SCCPDH: variants seen among roughly 807,000 people sequenced by gnomAD.
SCCPDH encodes saccharopine dehydrogenase (putative).
In SCCPDH, 34 loss-of-function variants were observed where a neutral mutation model predicts 51.5. That is an observed-to-expected ratio of 0.66 (90% CI 0.50 to 0.88). SCCPDH has a LOEUF of 0.88. Among genes scored for constraint, SCCPDH ranks in the 40% least tolerant of loss-of-function variants. The pLI, the probability that SCCPDH is intolerant of heterozygous loss-of-function variation, is 0.00. For missense variants in SCCPDH, 464 were observed against 527.1 expected (o/e 0.88, Z 1.17); for synonymous variants, 187 against 191.3 (o/e 0.98, Z 0.19).
Position 246,740,270 on chromosome 1 carries a change from G to A in SCCPDH, c.483G>A (p.Leu161=), listed in dbSNP as rs189798545. The A allele has an allele frequency of 1.7e-5, 28 of 1,606,918 alleles. No homozygotes were observed. In the East Asian group the frequency reaches 6.0e-4, roughly 35 times the overall value. Residue 161 remains leucine, a synonymous_variant, in exon 4 of 12, where the codon CTG becomes CTA. Coordinates refer to ENST00000366510, the MANE Select transcript of SCCPDH (RefSeq NM_016002.3). ...SSGFDSIPAD[L]GVIYTRNKMN... ...GCTTTGACTCCATTCCAGCAGATCT[G>A]GGAGTAATATATACCAGAAATAAAA...
Position 246,757,344 on chromosome 1 carries a change from C to CAAAA in SCCPDH, c.565-864_565-861dup, listed in dbSNP as rs10649597. Among the ~76,000 whole-genome samples, 392 of 77,038 alleles carry CAAAA rather than the reference C, an allele frequency of 5.1e-3. 12 individuals are homozygous for CAAAA. Among genetic ancestry groups the CAAAA allele is most frequent in the African/African-American group, 0.018 (342 of 19,398 alleles). The allele number at this position is 77,038 out of a possible 152,430, so 50.5% of individuals were successfully genotyped here. A position where few individuals can be genotyped will look rare whatever the true frequency, so the allele number is the denominator to read the frequency against. ...GGGTGACAAGAGCAAGACTCTGTCTCAAAAAAAAAAAAAAAAAAAAAGGGC... is the reference window on the plus strand; with the variant it reads ...GGGTGACAAGAGCAAGACTCTGTCTCAAAAAAAAAAAAAAAAAAAAAAAAAGGGC... On this transcript the variant is annotated intron_variant, in intron 5 of 11. Coordinates refer to ENST00000366510, the MANE Select transcript of SCCPDH (RefSeq NM_016002.3).
chr1:246,724,498 G>A lies in SCCPDH; in HGVS notation c.76G>A (p.Glu26Lys), dbSNP rs1668356591. Residue 26 changes from glutamate (E) to lysine (K), a missense_variant, in exon 1 of 12, where the codon GAG becomes AAG. By Grantham distance (56) the Glu-to-Lys change is moderately conservative (BLOSUM62 1). Transcript: ENST00000366510. ...SGFTGQFVTE[E>K]VAREQVDPER... ...CTTCACCGGCCAGTTCGTGACCGAG[G>A]AGGTGGCCCGGGAGCAGGTGGACCC... The A allele has an allele frequency of 6.3e-7, 1 of 1,579,588 alleles. No individual in the cohort carries two copies. The highest frequency in any genetic ancestry group is 1.4e-5 in the African/African-American group (1 of 72,094).
At chr1:246,763,848 C>T (rs185307576) in intron 9 of SCCPDH, among the ~76,000 whole-genome samples, 8 of 152,156 alleles carry the variant, frequency 5.3e-5, no homozygotes, top group South Asian at 4.1e-4. Context: ...TTTTTTGAGT[C>T]GAATTTTTAC....
At chr1:246,753,016 CCT>C (rs573129715) in intron 5 of SCCPDH, among the ~76,000 whole-genome samples, 130 of 151,148 alleles carry the variant, frequency 8.6e-4, no homozygotes, top group African/African-American at 2.9e-3. Context: ...TCTCTCTTTG[CCT>C]CTCTGTCTCT....
At chr1:246,754,756 A>C (rs771773955) in intron 5 of SCCPDH, among the ~76,000 whole-genome samples, 1 of 151,562 alleles carries the variant, frequency 6.6e-6, no homozygotes, top group Non-Finnish European at 1.5e-5. Flanking sequence ...ATTCCTTTAT[A>C]CTCCTTTTTA....
intron 1 of SCCPDH, 146 bp from the exon 2 acceptor site, chr1:246,726,746 T>C (rs1158280610): frequency 5.0e-6 from 3 of 605,764 alleles, no homozygotes; most frequent in Non-Finnish European, 5.7e-6. Flanking sequence ...TTAAAAACAG[T>C]TTTATCTTTT....
intron 11 of SCCPDH, among the ~76,000 whole-genome samples, chr1:246,766,701 A>G (rs931540975): frequency 1.3e-5 from 2 of 152,210 alleles, no homozygotes; most frequent in Admixed American, 1.3e-4. Context: ...ATATAGTAAA[A>G]TCTAATTAAA....
intron 5 of SCCPDH, among the ~76,000 whole-genome samples, chr1:246,745,579 A>G (rs1441743959): frequency 6.6e-6 from 1 of 152,200 alleles, no homozygotes; most frequent in Non-Finnish European, 1.5e-5. Context: ...GCTGAATTTC[A>G]AGGGCTGGTG....
chr1:246,746,134 A>G (rs1668757428), intron 5 of SCCPDH, among the ~76,000 whole-genome samples: 1 of 149,398 alleles, frequency 6.7e-6, no homozygotes, highest in South Asian at 2.1e-4. Context: ...AAAAAAAAAG[A>G]AGGAAGGGCT....
chr1:246,745,604 A>G (rs1374168875), intron 5 of SCCPDH, among the ~76,000 whole-genome samples: 2 of 152,198 alleles, frequency 1.3e-5, no homozygotes, highest in African/African-American at 4.8e-5. Context: ...GGAGATGTGA[A>G]GGAAGAGGAA....
chr1:246,752,975 C>T (rs1028588182), intron 5 of SCCPDH, among the ~76,000 whole-genome samples: 12 of 138,544 alleles, frequency 8.7e-5, no homozygotes, highest in East Asian at 5.8e-4. Context: ...GTGTCTCTGT[C>T]TCTCTCTCTC....
intron 5 of SCCPDH, among the ~76,000 whole-genome samples, chr1:246,752,419 T>C (rs1668863493): frequency 6.6e-6 from 1 of 152,164 alleles, no homozygotes; most frequent in Non-Finnish European, 1.5e-5. Flanking sequence ...GATTAATAGC[T>C]CTAAGTTCTT....
chr1:246,756,596 G>A (rs1047693303), intron 5 of SCCPDH, among the ~76,000 whole-genome samples: 2 of 152,130 alleles, frequency 1.3e-5, no homozygotes, highest in Non-Finnish European at 2.9e-5. Flanking sequence ...CTGGTGTTTG[G>A]AATCTTTACA....
intron 1 of SCCPDH, among the ~76,000 whole-genome samples, 194 bp downstream of exon 1, chr1:246,724,806 T>G (rs989075121): frequency 6.6e-6 from 1 of 152,206 alleles, no homozygotes; most frequent in East Asian, 1.9e-4. Context: ...TATGTGTGTG[T>G]GCGCGTGCGT....
chr1:246,767,584 G>A lies in SCCPDH; in HGVS notation c.*284G>A, dbSNP rs561562074. The A allele has an allele frequency of 5.3e-6, 1 of 190,422 alleles. No homozygotes were observed. Among genetic ancestry groups the A allele is most frequent in the Admixed American group, 6.1e-5 (1 of 16,490 alleles). 11.8% of individuals were successfully genotyped at this position (190,422 alleles called of 1,614,324 possible). On this transcript the variant is annotated 3_prime_UTR_variant, in exon 12 of 12. Transcript: ENST00000366510. ...CACGAATGAGCTGGCAGGTCTAATG[G>A]GGGAGGCGGCGTCCCAGTCTGTGTT...
In SCCPDH at chr1:246,745,165, C is replaced by T. The variant is rs188675893; in HGVS notation, c.564+1040C>T. Among the ~76,000 whole-genome samples, 815 of 151,434 alleles carry T rather than the reference C, an allele frequency of 5.4e-3. 6 individuals are homozygous for T. The highest frequency in any genetic ancestry group is 7.6e-3 in the Non-Finnish European group (514 of 67,502). ...ACTGAATCTACAGTGCATTTGGGAA[C>T]GTAAGACATTGACGTTGGGAACGTA... On this transcript the variant is annotated intron_variant, in intron 5 of 11. Coordinates refer to ENST00000366510, the MANE Select transcript of SCCPDH (RefSeq NM_016002.3).
chr1:246,748,801 C>G (rs1243294407), intron 5 of SCCPDH, among the ~76,000 whole-genome samples: 2 of 152,078 alleles, frequency 1.3e-5, no homozygotes, highest in African/African-American at 2.4e-5. Context: ...TGACAGAATG[C>G]TAGGGTGGAA....
chr1:246,753,212 G>C (rs2102988292), intron 5 of SCCPDH, among the ~76,000 whole-genome samples: 1 of 152,048 alleles, frequency 6.6e-6, no homozygotes, highest in African/African-American at 2.4e-5. Flanking sequence ...ACAGGTTCTG[G>C]CCCCCTGGGT....
At chr1:246,757,847 C>A (rs1026605928) in intron 5 of SCCPDH, among the ~76,000 whole-genome samples, 2 of 151,148 alleles carry the variant, frequency 1.3e-5, no homozygotes, top group African/African-American at 4.9e-5. Context: ...TGTGTAGGAT[C>A]GAGAGAGGAT....
Sources: gnomAD v4.1 joint callset for allele counts (sites outside exome capture counted in the v4.1 genomes callset) on GRCh38, gnomAD v4.1.1 for gene constraint, MANE v1.5 for transcripts, NCBI Gene and HGNC (gene_info 2026-07-23, HGNC 2026-07-21) for gene names.